AVEN: variants seen among roughly 807,000 people sequenced by gnomAD.
AVEN encodes cell death regulator Aven.
A neutral mutation model predicts 38.1 loss-of-function variants in AVEN; 41 were observed. The observed-to-expected ratio is 1.08, with a 90% confidence interval of 0.84 to 1.40. The LOEUF (loss-of-function observed/expected upper bound fraction) is 1.40, where lower values mean the gene tolerates loss of function less well. AVEN is among the 40% of genes most tolerant of loss of function. AVEN has a pLI of 0.00. For synonymous variants in AVEN, 206 were observed against 171.8 expected (o/e 1.20, Z -1.56); for missense variants, 605 against 438.8 (o/e 1.38, Z -3.38).
intron 2 of AVEN, among the ~76,000 whole-genome samples, chr15:33,962,954 A>ATT: frequency 7.8e-6 from 1 of 129,028 alleles, no homozygotes; most frequent in African/African-American, 2.8e-5. Flanking sequence ...AAAAAAAAAA[A>ATT]AAATTCTCAT....
intron 2 of AVEN, among the ~76,000 whole-genome samples, chr15:33,959,756 C>A (rs72716902): frequency 0.27 from 41,324 of 152,070 alleles, 7,451 homozygotes; most frequent in African/African-American, 0.51. Flanking sequence ...TGGTGTCTAC[C>A]CTGGAGAAAC....
At chr15:33,865,159 A>G (rs1311596943), downstream of AVEN, 3 of 1,613,628 alleles carry the variant, frequency 1.9e-6, no homozygotes, top group Non-Finnish European at 1.7e-6. Context: ...ATGTACCAAG[A>G]AAGGTGTTGG....
upstream of AVEN, among the ~76,000 whole-genome samples, chr15:34,042,210 G>C (rs1292938731): frequency 2.0e-5 from 3 of 152,098 alleles, no homozygotes; most frequent in African/African-American, 7.2e-5. Flanking sequence ...ATCTTTTCTG[G>C]TATTGCTTTT....
intron 2 of AVEN, among the ~76,000 whole-genome samples, chr15:33,951,813 GA>G: frequency 6.6e-6 from 1 of 152,210 alleles, no homozygotes; most frequent in East Asian, 1.9e-4. Flanking sequence ...AATTGTTTAG[GA>G]AAGACCATAC....
chr15:33,858,411 T>C (rs551233484), downstream of AVEN, among the ~76,000 whole-genome samples: 1 of 152,128 alleles, frequency 6.6e-6, no homozygotes, highest in Non-Finnish European at 1.5e-5. Context: ...TTCTCTATGT[T>C]GGTCAGGCTG....
chr15:33,927,265 T>C (rs1893652178), intron 2 of AVEN, among the ~76,000 whole-genome samples: 1 of 151,476 alleles, frequency 6.6e-6, no homozygotes, highest in Admixed American at 6.6e-5. Context: ...AAAATAATAA[T>C]AATAATAATA....
intron 2 of AVEN, among the ~76,000 whole-genome samples, chr15:34,001,065 G>A (rs964268657): frequency 9.7e-5 from 14 of 143,932 alleles, no homozygotes; most frequent in Non-Finnish European, 1.9e-4. Context: ...TTGTTGCCCA[G>A]GCTGGAGTGC....
chr15:34,013,354 G>A (rs35979000), intron 1 of AVEN, among the ~76,000 whole-genome samples: 1 of 152,180 alleles, frequency 6.6e-6, no homozygotes, highest in South Asian at 2.1e-4. Flanking sequence ...GAGCCACTGG[G>A]CCTGGCCAAA....
At chr15:33,995,319 A>G (rs1597327043) in intron 2 of AVEN, among the ~76,000 whole-genome samples, 1 of 152,336 alleles carries the variant, frequency 6.6e-6, no homozygotes, top group South Asian at 2.1e-4. Context: ...AACAATAAAA[A>G]TACAAATAAA....
intron 2 of AVEN, among the ~76,000 whole-genome samples, chr15:33,965,329 A>G (rs1419239927): frequency 6.6e-6 from 1 of 152,208 alleles, no homozygotes; most frequent in Non-Finnish European, 1.5e-5. Context: ...TTATTAACTG[A>G]AAAATAATCA....
chr15:33,869,900 A>C (rs2153034259), intron 4 of AVEN, among the ~76,000 whole-genome samples: 1 of 147,544 alleles, frequency 6.8e-6, no homozygotes, highest in Non-Finnish European at 1.5e-5. Flanking sequence ...CCCCTCTCTT[A>C]GTTCATCAAT....
chr15:33,861,104 C>A (rs1158523988), intron 11 of AVEN: 5 of 1,594,810 alleles, frequency 3.1e-6, no homozygotes, highest in Non-Finnish European at 4.3e-6. Flanking sequence ...GTGGGATTGG[C>A]AATGACTACT....
chr15:34,038,088 T>C (rs1899236578), intron 1 of AVEN, among the ~76,000 whole-genome samples: 1 of 152,186 alleles, frequency 6.6e-6, no homozygotes. Context: ...ACTGATGATA[T>C]TGCTATTAAA....
chr15:33,884,614 G>C (rs1383075218), intron 2 of AVEN, among the ~76,000 whole-genome samples: 12 of 152,090 alleles, frequency 7.9e-5, no homozygotes, highest in African/African-American at 2.9e-4. Flanking sequence ...CTTTCAAAAA[G>C]CTTACCATCT....
chr15:33,941,927 T>C lies in AVEN; in HGVS notation c.445+61105A>G, dbSNP rs995485845. The stretch of plus-strand genomic sequence containing the variant: ...AAGTGTTCTTTTGTACATGTAGCCA[T>C]GTCAACAACAAAGAAAATAAAGGGA... On this transcript the variant is annotated intron_variant, in intron 2 of 5. Coordinates refer to ENST00000306730, the MANE Select transcript of AVEN (RefSeq NM_020371.3). 2.6e-5 allele frequency among the ~76,000 whole-genome samples: 4 copies of C among 152,204 alleles called. No homozygotes were observed. In the East Asian group the frequency reaches 5.8e-4, roughly 22 times the overall value.
In AVEN at chr15:34,023,407, G is replaced by A. The variant is rs73387983; in HGVS notation, c.267+15373C>T. ...TAGTAATCTTAGTAACAGTTGTTGC[G>A]GCAGCATCTCTCTTGGCCACATCAC... On this transcript the variant is annotated intron_variant, in intron 1 of 5. Coordinates refer to ENST00000306730, the MANE Select transcript of AVEN (RefSeq NM_020371.3). 9.0e-3 allele frequency among the ~76,000 whole-genome samples: 1,373 copies of A among 152,162 alleles called. 25 individuals are homozygous for A. The highest frequency in any genetic ancestry group is 0.032 in the African/African-American group (1,337 of 41,508).
intron 2 of AVEN, among the ~76,000 whole-genome samples, chr15:33,889,769 G>A (rs1381722834): frequency 6.6e-6 from 1 of 152,160 alleles, no homozygotes; most frequent in Non-Finnish European, 1.5e-5. Flanking sequence ...GAGCAAATAT[G>A]TGCAATCTGA....
At chr15:34,047,276 AC>A (rs1362697368) in intron 5 of AVEN, among the ~76,000 whole-genome samples, 1 of 151,874 alleles carries the variant, frequency 6.6e-6, no homozygotes, top group African/African-American at 2.4e-5. Flanking sequence ...ACGGGGTTTC[AC>A]CGTGTTAGCC....
chr15:33,927,418 A>G (rs542260), intron 2 of AVEN, among the ~76,000 whole-genome samples: 96,817 of 151,998 alleles, frequency 0.64, 31,582 homozygotes, highest in East Asian at 0.75. Context: ...TATCAATAAT[A>G]ATGATAGTTA....
Sources: gnomAD v4.1 joint callset for allele counts (sites outside exome capture counted in the v4.1 genomes callset) on GRCh38, gnomAD v4.1.1 for gene constraint, MANE v1.5 for transcripts, NCBI Gene and HGNC (gene_info 2026-07-23, HGNC 2026-07-21) for gene names.